The following GPC5 variants were observed in gnomAD, a reference collection of about 807,000 sequenced individuals.
The protein encoded by GPC5 is glypican-5.
In GPC5, 47 loss-of-function variants were observed where a neutral mutation model predicts 53.9. That is an observed-to-expected ratio of 0.87 (90% confidence interval 0.69 to 1.11). GPC5 has a LOEUF of 1.11. Among genes scored for constraint, GPC5 ranks in the 50% most tolerant of loss-of-function variants. The pLI is 0.00. For missense variants in GPC5, 748 were observed against 713.1 expected, an observed-to-expected ratio of 1.05 and a Z score of -0.56; for synonymous variants, 286 against 263.3, an observed-to-expected ratio of 1.09 and a Z score of -0.84.
At chr13:92,153,617 G>A (rs2041922644) in intron 7 of GPC5, among the ~76,000 whole-genome samples, 1 of 152,162 alleles carries the variant, frequency 6.6e-6, no homozygotes, top group South Asian at 2.1e-4. Context: ...AGAGGATGCA[G>A]GATATCTTAG....
chr13:92,203,201 G>C (rs1269344078), intron 7 of GPC5, among the ~76,000 whole-genome samples: 1 of 151,318 alleles, frequency 6.6e-6, no homozygotes, highest in Non-Finnish European at 1.5e-5. Context: ...TGTTTATTGC[G>C]GCACTATTCA....
intron 7 of GPC5, among the ~76,000 whole-genome samples, chr13:92,294,725 T>G (rs928143474): frequency 6.6e-6 from 1 of 152,086 alleles, no homozygotes; most frequent in Non-Finnish European, 1.5e-5. Flanking sequence ...GTTATTTCCT[T>G]TCTTCTGCTG....
chr13:92,456,845 T>A (rs1033991455), intron 7 of GPC5, among the ~76,000 whole-genome samples: 1 of 152,180 alleles, frequency 6.6e-6, no homozygotes, highest in Non-Finnish European at 1.5e-5. Context: ...GGATAATGTT[T>A]TTATAATTTC....
chr13:92,053,382 G>A (rs1816283849), intron 6 of GPC5, among the ~76,000 whole-genome samples: 1 of 152,152 alleles, frequency 6.6e-6, no homozygotes, highest in African/African-American at 2.4e-5. Flanking sequence ...TTTCTAGTCA[G>A]CAGAGGGTCT....
chr13:92,449,841 T>C (rs990983097), intron 7 of GPC5, among the ~76,000 whole-genome samples: 2 of 152,188 alleles, frequency 1.3e-5, no homozygotes, highest in Non-Finnish European at 1.5e-5. Flanking sequence ...CATACTGTTA[T>C]TACCAGAATA....
chr13:91,991,549 A>G (rs542813600), intron 6 of GPC5, among the ~76,000 whole-genome samples: 3 of 151,460 alleles, frequency 2.0e-5, no homozygotes, highest in Non-Finnish European at 2.9e-5. Flanking sequence ...CAAAGGGATA[A>G]AGGAAGAATT....
intron 7 of GPC5, among the ~76,000 whole-genome samples, chr13:92,635,595 G>T (rs1291640040): frequency 6.6e-6 from 1 of 152,072 alleles, no homozygotes; most frequent in Non-Finnish European, 1.5e-5. Flanking sequence ...TCTCCTAAAG[G>T]TCCCACTTCT....
At chr13:91,897,681 A>G (rs1445454545) in intron 5 of GPC5, among the ~76,000 whole-genome samples, 1 of 152,222 alleles carries the variant, frequency 6.6e-6, no homozygotes, top group African/African-American at 2.4e-5. Context: ...CACATTTGCC[A>G]AAGTGAAGAA....
At chr13:91,949,354 A>G (rs1213840048) in intron 6 of GPC5, among the ~76,000 whole-genome samples, 1 of 152,226 alleles carries the variant, frequency 6.6e-6, no homozygotes, top group Non-Finnish European at 1.5e-5. Flanking sequence ...TGGTTTTACC[A>G]CTACAGTAAA....
chr13:92,369,789 G>A (rs1010840488), intron 7 of GPC5, among the ~76,000 whole-genome samples: 2 of 152,104 alleles, frequency 1.3e-5, no homozygotes, highest in Non-Finnish European at 2.9e-5. Context: ...TATAGTAACT[G>A]GAATTAATTT....
chr13:91,965,703 A>G lies in GPC5; in HGVS notation c.1401+57646A>G, dbSNP rs948247933. 5.9e-5 allele frequency among the ~76,000 whole-genome samples: 9 copies of G among 152,198 alleles called. No homozygotes were observed. The South Asian group carries it at 8.3e-4, about 14-fold the overall frequency. On this transcript the variant is annotated intron_variant, in intron 6 of 7. Transcript: ENST00000377067. ...AACCAGAAAGGGGCAGTCAGGCATG[A>G]TATTAAACAGCTGAGCATGTCAAAA...
At chr13:92,345,734 G>T (rs1018557353) in intron 7 of GPC5, among the ~76,000 whole-genome samples, 3 of 152,104 alleles carry the variant, frequency 2.0e-5, no homozygotes, top group African/African-American at 7.2e-5. Context: ...AAAACTGGAG[G>T]CATCCAATCT....
At chr13:92,256,600 A>G (rs2042727959) in intron 7 of GPC5, among the ~76,000 whole-genome samples, 1 of 152,076 alleles carries the variant, frequency 6.6e-6, no homozygotes, top group Non-Finnish European at 1.5e-5. Context: ...CTTCCAAAAT[A>G]TAACATGCAT....
chr13:92,650,164 G>C (rs1885907247), intron 7 of GPC5, among the ~76,000 whole-genome samples: 1 of 151,954 alleles, frequency 6.6e-6, no homozygotes, highest in Non-Finnish European at 1.5e-5. Flanking sequence ...TAATTCTTCA[G>C]TGTTATTGTT....
rs565682052 is a variant in GPC5 at position 91,889,601 on chromosome 13, T to G, written c.1281-18336T>G. Reference sequence around the variant, plus strand: ...TTTGTTACTAGAGTTGGTACTGTTTTGGAATGATTCATATAACATTTATAA... The same window carrying G: ...TTTGTTACTAGAGTTGGTACTGTTTGGGAATGATTCATATAACATTTATAA... On this transcript the variant is annotated intron_variant, in intron 5 of 7. Transcript: ENST00000377067. Among the ~76,000 whole-genome samples the G allele has an allele frequency of 1.8e-3, 270 of 152,330 alleles. 1 individual carries two copies. Among genetic ancestry groups the G allele is most frequent in the African/African-American group, 6.1e-3 (255 of 41,584 alleles).
intron 5 of GPC5, among the ~76,000 whole-genome samples, chr13:91,907,499 CTCT>C (rs2039566140): frequency 1.4e-5 from 1 of 71,026 alleles, no homozygotes; most frequent in African/African-American, 6.9e-5. Flanking sequence ...CTCTCTCTCT[CTCT>C]TTATATATAT....
intron 6 of GPC5, among the ~76,000 whole-genome samples, chr13:92,091,762 T>TG (rs1477280069): frequency 8.3e-6 from 1 of 120,590 alleles, no homozygotes; most frequent in African/African-American, 3.1e-5. Flanking sequence ...CCCCCCACAG[T>TG]GAAAAAAAAA....
At chr13:92,312,461 A>T (rs1452711005) in intron 7 of GPC5, among the ~76,000 whole-genome samples, 1 of 152,052 alleles carries the variant, frequency 6.6e-6, no homozygotes, top group African/African-American at 2.4e-5. Context: ...TAATGAAAGG[A>T]GGTTGATTAT....
At chr13:91,616,552 G>T (rs2033700375) in intron 2 of GPC5, among the ~76,000 whole-genome samples, 1 of 151,930 alleles carries the variant, frequency 6.6e-6, no homozygotes, top group South Asian at 2.1e-4. Flanking sequence ...GTTCATTAAG[G>T]ACTTTTATGG....
Sources: allele counts gnomAD v4.1 joint callset (sites outside exome capture counted in the v4.1 genomes callset), GRCh38; gene constraint gnomAD v4.1.1; transcripts MANE v1.5; gene names NCBI Gene and HGNC (gene_info 2026-07-23, HGNC 2026-07-21).